PRX: variants seen among roughly 807,000 people sequenced by gnomAD.
The protein encoded by PRX is periaxin.
PRX carries 24 observed loss-of-function variants against 29.6 expected under a neutral mutation model. That is an observed-to-expected ratio of 0.81 (90% CI 0.59 to 1.14). The LOEUF (loss-of-function observed/expected upper bound fraction) is 1.14. Among genes scored for constraint, PRX ranks in the 50% most tolerant of loss-of-function variants. The pLI is 0.00. For synonymous variants in PRX, 772 were observed against 831.7 expected (o/e 0.93, Z 1.24); for missense variants, 1,838 against 1,926.4 (o/e 0.95, Z 0.86).
intron 1 of PRX, among the ~76,000 whole-genome samples, chr19:40,411,010 T>C (rs142805539): frequency 0.015 from 2,350 of 152,336 alleles, 130 homozygotes; most frequent in Admixed American, 0.11. Flanking sequence ...CTGGGGCATT[T>C]CCTCTGAATT....
intron 1 of PRX, among the ~76,000 whole-genome samples, chr19:40,408,816 GGTGTGT>G (rs575859236): frequency 0.016 from 2,247 of 143,388 alleles, 115 homozygotes; most frequent in Admixed American, 0.11. Flanking sequence ...TGTTGTTGGT[GGTGTGT>G]GTGTGTGTGT....
At chr19:40,406,247 CA>C (rs112824640) in intron 4 of PRX, among the ~76,000 whole-genome samples, 2,443 of 88,770 alleles carry the variant, frequency 0.028, 97 homozygotes, top group Admixed American at 0.17. Context: ...GAATCCGTCT[CA>C]AAAAAAAAAA....
intron 5 of PRX, among the ~76,000 whole-genome samples, chr19:40,400,616 A>AAAAAAAAAAAAAAAAAC (rs2079488093): frequency 6.9e-6 from 1 of 144,154 alleles, no homozygotes; most frequent in African/African-American, 2.7e-5. Flanking sequence ...AAAAAAAAAA[A>AAAAAAAAAAAAAAAAAC]AAGACAAGAT....
At chr19:40,399,899 C>CTTTCTTTCT in intron 5 of PRX, among the ~76,000 whole-genome samples, 1 of 67,632 alleles carries the variant, frequency 1.5e-5, no homozygotes, top group East Asian at 2.4e-4. Flanking sequence ...TTCTTTCTTT[C>CTTTCTTTCT]TTTCTTTTTC....
Position 40,407,918 on chromosome 19 carries a change from G to C in PRX, c.15C>G (p.Ser5Arg), listed in dbSNP as rs1408677034. ...CGTGGGCACTCACCTCGGCACTCCG[G>C]CTCCTGGCCTCCATGGCGTTGCTGG... MEAR[S>R]RSAEELRRAE... The change falls in exon 4 of 7, where the codon AGC (serine) becomes AGG (arginine). Residue 5 changes from serine to arginine, a missense_variant. Physicochemically the swap from Ser to Arg is moderately radical, Grantham distance 110. Around this residue, in one of 3 missense-constraint regions of PRX, gnomAD observed 666 missense variants for 665.0 expected, o/e 1.00. Transcript: ENST00000324001. The C allele has an allele frequency of 2.5e-6, 4 of 1,613,646 alleles. No homozygotes were observed. Among genetic ancestry groups the C allele is most frequent in the South Asian group, 1.1e-5 (1 of 91,078 alleles).
In PRX at chr19:40,394,688, C is replaced by A. The variant is rs776289745; in HGVS notation, c.3664G>T (p.Glu1222Ter). ...TCTCGGCTTAGCCCCACGTCCAGCT[C>A]AAGCTGGGGCACTGTCACGGTGGGC... The part of the protein sequence containing the change: ...KMPTVTVPQL[E>*]LDVGLSREAQ... Residue 1222 changes from glutamate to a stop codon, truncating the protein, a stop_gained, in exon 7 of 7, where the codon GAG (glutamate) becomes TAG (stop). Transcript: ENST00000324001. LOFTEE classifies it high-confidence loss of function. The surrounding 1 kb of genome is among the most constrained non-coding windows in gnomAD (Gnocchi z 5.8). 1.9e-6 allele frequency: 3 copies of A among 1,610,616 alleles called. No homozygotes were observed. In the East Asian group the frequency reaches 6.7e-5, roughly 36 times the overall value.
chr19:40,398,057 G>T lies in PRX; in HGVS notation c.382-87C>A, dbSNP rs878875819. ...AGAGCCCCACCTGGTATTGGACCAG[G>T]CGGGGGATGTGCTGGGTCAAGTATC... On this transcript the variant is annotated intron_variant, in intron 6 of 6. Transcript: ENST00000324001. The surrounding 1 kb of genome is among the most constrained non-coding windows in gnomAD (Gnocchi z 6.3). 30 of 1,497,738 alleles carry T rather than the reference G, an allele frequency of 2.0e-5. No individual in the cohort carries two copies. In the South Asian group the frequency reaches 3.8e-4, roughly 19 times the overall value. The allele number at this position is 1,497,738 out of a possible 1,614,324, so 92.8% of individuals were successfully genotyped here. A position where few individuals can be genotyped will look rare whatever the true frequency, so the allele number is the denominator to read the frequency against.
chr19:40,408,230 C>T lies in PRX; in HGVS notation c.-172G>A. The T allele has an allele frequency of 1.8e-6, 1 of 547,522 alleles. No homozygotes were observed. Among genetic ancestry groups the T allele is most frequent in the South Asian group, 2.2e-5 (1 of 45,954 alleles). The allele number at this position is 547,522 out of a possible 1,614,324, so 33.9% of individuals were successfully genotyped here. On this transcript the variant is annotated 5_prime_UTR_variant, in exon 3 of 7. Transcript: ENST00000324001. ...GTGCCGCACAGCTGTCTGCAGGGCT[C>T]ACGCCCTTCCGTGGGGTTCTTGCTG...
In PRX at chr19:40,407,924, G is replaced by A. The variant is rs1469998656; in HGVS notation, c.9C>T (p.Ala3=). The change falls in exon 4 of 7, where the codon GCC becomes GCT. Residue 3 remains alanine (A), a synonymous_variant. Transcript: ENST00000324001. ME[A]RSRSAEELRR... is the part of the protein sequence containing the mutation. ...CACTCACCTCGGCACTCCGGCTCCT[G>A]GCCTCCATGGCGTTGCTGGGAGGCA... The A allele has an allele frequency of 1.9e-6, 3 of 1,613,658 alleles. No individual in the cohort carries two copies. The South Asian group carries it at 3.3e-5, about 18-fold the overall frequency.
At chr19:40,407,722 A>G in intron 4 of PRX, 184 bp downstream of exon 4, 2 of 794,668 alleles carry the variant, frequency 2.5e-6, no homozygotes, top group East Asian at 2.7e-5. Flanking sequence ...ATGCTGCACT[A>G]AGGACATTAC....
Position 40,398,235 on chromosome 19 carries a change from C to A in PRX, c.382-265G>T, listed in dbSNP as rs958187443. 2 of 1,415,904 alleles carry A rather than the reference C, an allele frequency of 1.4e-6. No individual in the cohort carries two copies. The highest frequency in any genetic ancestry group is 9.2e-7 in the Non-Finnish European group (1 of 1,090,634). The allele number at this position is 1,415,904 out of a possible 1,614,324, so 87.7% of individuals were successfully genotyped here. A position where few individuals can be genotyped will look rare whatever the true frequency, so the allele number is the denominator to read the frequency against. ...GATCCTGATCCGGGATTTTCCCCAA[C>A]ATCCTCATTCTAGAGATGGGGAAAC... On this transcript the variant is annotated intron_variant, in intron 6 of 6. Coordinates refer to ENST00000324001, the MANE Select transcript of PRX (RefSeq NM_181882.3). The surrounding 1 kb of genome is among the most constrained non-coding windows in gnomAD (Gnocchi z 6.3).
chr19:40,404,541 G>T (rs2079519789), intron 4 of PRX, among the ~76,000 whole-genome samples: 3 of 151,594 alleles, frequency 2.0e-5, no homozygotes, highest in South Asian at 4.2e-4. Context: ...TTTATGGGAG[G>T]TTATTTGGAG....
At chr19:40,414,454 G>A (rs1215671549), upstream of PRX, among the ~76,000 whole-genome samples, 1 of 152,132 alleles carries the variant, frequency 6.6e-6, no homozygotes, top group Non-Finnish European at 1.5e-5. Context: ...TGGCCAGGAG[G>A]TGGTGAAGCT....
chr19:40,413,549 G>A (rs2079568972), upstream of PRX, among the ~76,000 whole-genome samples: 1 of 151,958 alleles, frequency 6.6e-6, no homozygotes, highest in Admixed American at 6.5e-5. Context: ...CCACGGGACA[G>A]CCACCAGCCG....
chr19:40,408,817 G>GTC (rs146541584), intron 1 of PRX, among the ~76,000 whole-genome samples: 1 of 59,904 alleles, frequency 1.7e-5, no homozygotes, highest in Non-Finnish European at 2.8e-5. Flanking sequence ...GTTGTTGGTG[G>GTC]TGTGTGTGTG....
At chr19:40,414,132 C>CT (rs1403047536), upstream of PRX, among the ~76,000 whole-genome samples, 22 of 151,850 alleles carry the variant, frequency 1.4e-4, no homozygotes, top group East Asian at 2.1e-3. Context: ...GCTCCCCACC[C>CT]TTTTTTTTGA....
At chr19:40,411,649 C>T (rs1367828123) in intron 1 of PRX, among the ~76,000 whole-genome samples, 1 of 152,182 alleles carries the variant, frequency 6.6e-6, no homozygotes, top group Non-Finnish European at 1.5e-5. Flanking sequence ...CTGTGCTCTT[C>T]CTGAGCCACG....
chr19:40,406,119 C>T (rs1461972747), intron 4 of PRX, among the ~76,000 whole-genome samples: 3 of 151,600 alleles, frequency 2.0e-5, no homozygotes, highest in Admixed American at 2.0e-4. Flanking sequence ...TGGTGGTGGG[C>T]GCCTGTAATC....
At chr19:40,408,621 C>T (rs2079543477) in intron 1 of PRX, among the ~76,000 whole-genome samples, 1 of 152,158 alleles carries the variant, frequency 6.6e-6, no homozygotes, top group South Asian at 2.1e-4. Flanking sequence ...ACTGAGGGGG[C>T]CAAATTCACT....
Sources: allele counts gnomAD v4.1 joint callset (sites outside exome capture counted in the v4.1 genomes callset), GRCh38; gene constraint gnomAD v4.1.1; regional missense constraint gnomAD v4.1.1; non-coding constraint Gnocchi (gnomAD v3.1); transcripts MANE v1.5; gene names NCBI Gene and HGNC (gene_info 2026-07-23, HGNC 2026-07-21).